NPHS2: variants seen among roughly 807,000 people sequenced by gnomAD.
NPHS2 encodes the protein NPHS2 stomatin family member, podocin, also known as podocin.
NPHS2 carries 36 observed loss-of-function variants against 37.1 expected under a neutral mutation model. The observed-to-expected ratio is 0.97, with a 90% CI of 0.74 to 1.28. The LOEUF is 1.28. NPHS2 is among the 50% of genes most tolerant of loss of function. The pLI, the probability that NPHS2 is intolerant of heterozygous loss-of-function variation, is 0.00. For missense variants in NPHS2, 447 were observed against 488.1 expected (o/e 0.92, Z 0.79); for synonymous variants, 196 against 189.3 (o/e 1.04, Z -0.29).
At chr1:179,551,579 A>C in intron 7 of NPHS2, 128 bp from the exon 8 acceptor site, 1 of 1,058,266 alleles carries the variant, frequency 9.4e-7, no homozygotes, top group South Asian at 1.4e-5. Context: ...AGCATAGAAC[A>C]TGTTTATTCT....
chr1:179,562,633 C>T (rs1674188667), intron 2 of NPHS2, among the ~76,000 whole-genome samples: 2 of 152,168 alleles, frequency 1.3e-5, no homozygotes, highest in African/African-American at 4.8e-5. Flanking sequence ...GATCTACTAA[C>T]CCACTGTAAG....
chr1:179,563,176 C>G (rs1182920027), intron 2 of NPHS2, among the ~76,000 whole-genome samples: 1 of 152,134 alleles, frequency 6.6e-6, no homozygotes, highest in Admixed American at 6.5e-5. Flanking sequence ...AATGGCTATC[C>G]TAACATCAGA....
At chr1:179,571,215 T>C (rs1466729254) in intron 1 of NPHS2, among the ~76,000 whole-genome samples, 1 of 152,222 alleles carries the variant, frequency 6.6e-6, no homozygotes, top group East Asian at 1.9e-4. Context: ...CTACCTTTGG[T>C]CTTTAATGTT....
At chr1:179,564,960 G>A (rs1674280916) in intron 1 of NPHS2, among the ~76,000 whole-genome samples, 167 bp from the exon 2 acceptor site, 1 of 152,148 alleles carries the variant, frequency 6.6e-6, no homozygotes, top group Non-Finnish European at 1.5e-5. Flanking sequence ...AGGGCCTGGG[G>A]AGGAGCAGGC....
chr1:179,573,364 AAAG>A lies in NPHS2; in HGVS notation c.274+2224_274+2226del, dbSNP rs1422521257. Among the ~76,000 whole-genome samples, 4 of 152,220 alleles carry A rather than the reference AAAG, an allele frequency of 2.6e-5. No homozygotes were observed. The South Asian group carries it at 6.2e-4, about 24-fold the overall frequency. ...TACTAATCCCACGGAGTGCTCCACC[AAAG>A]AAGAACTTCCTGGGCAAATGAGTTT... On this transcript the variant is annotated intron_variant, in intron 1 of 7. Coordinates refer to ENST00000367615, the MANE Select transcript of NPHS2 (RefSeq NM_014625.4).
intron 1 of NPHS2, among the ~76,000 whole-genome samples, chr1:179,565,825 G>T (rs1486786494): frequency 5.4e-5 from 8 of 148,768 alleles, no homozygotes; most frequent in Admixed American, 4.8e-4. Context: ...TGTGGTGTTT[G>T]CTTTTCTGTC....
At position 179,550,759 on chromosome 1, in the gene NPHS2, AAT is replaced by A. The variant is rs1673137644; in HGVS notation, c.*412_*413del. On this transcript the variant is annotated 3_prime_UTR_variant, in exon 8 of 8. Transcript: ENST00000367615. ...GACTGCATCTTTGGGACAGAAGAGC[AAT>A]AGAGTGTGACAAGCCCAATGATAGG... 1 of 271,320 alleles carries A rather than the reference AAT, an allele frequency of 3.7e-6. No homozygotes were observed. Among genetic ancestry groups the A allele is most frequent in the East Asian group, 8.9e-5 (1 of 11,290 alleles). The allele number at this position is 271,320 out of a possible 1,614,324, so 16.8% of individuals were successfully genotyped here.
Position 179,551,022 on chromosome 1 carries a change from C to G in NPHS2, c.*151G>C. The G allele has an allele frequency of 1.1e-6, 1 of 879,796 alleles. No homozygotes were observed. Among genetic ancestry groups the G allele is most frequent in the Non-Finnish European group, 1.8e-6 (1 of 554,826 alleles). The allele number at this position is 879,796 out of a possible 1,614,324, so 54.5% of individuals were successfully genotyped here. Reference sequence around the variant, plus strand: ...TGTCATTACATCATTTCACCGTCTTCTCATGGATGGTGCATTGTGACTTCG... The same window carrying G: ...TGTCATTACATCATTTCACCGTCTTGTCATGGATGGTGCATTGTGACTTCG... On this transcript the variant is annotated 3_prime_UTR_variant, in exon 8 of 8. Coordinates refer to ENST00000367615, the MANE Select transcript of NPHS2 (RefSeq NM_014625.4).
chr1:179,558,898 T>C (rs917279351), intron 4 of NPHS2, among the ~76,000 whole-genome samples: 1 of 152,204 alleles, frequency 6.6e-6, no homozygotes, highest in Non-Finnish European at 1.5e-5. Flanking sequence ...TCTTTGGATG[T>C]CATCCTTTGA....
At chr1:179,571,314 G>A (rs904719944) in intron 1 of NPHS2, among the ~76,000 whole-genome samples, 1 of 152,194 alleles carries the variant, frequency 6.6e-6, no homozygotes, top group African/African-American at 2.4e-5. Flanking sequence ...CCATCTAACA[G>A]TCAGGTCCCT....
chr1:179,563,113 A>C (rs1453926412), intron 2 of NPHS2, among the ~76,000 whole-genome samples: 1 of 152,236 alleles, frequency 6.6e-6, no homozygotes, highest in Non-Finnish European at 1.5e-5. Flanking sequence ...AACAGACTGA[A>C]AGTAAAAGAT....
chr1:179,553,946 TCTGTGG>T (rs1673693544), intron 6 of NPHS2, among the ~76,000 whole-genome samples: 1 of 140,834 alleles, frequency 7.1e-6, no homozygotes, highest in Non-Finnish European at 1.5e-5. Context: ...CGAGTCTCGC[TCTGTGG>T]TCGTGGCTGA....
At chr1:179,554,773 T>C in intron 5 of NPHS2, 3 of 582,072 alleles carry the variant, frequency 5.2e-6, no homozygotes, top group East Asian at 5.8e-5. Context: ...CCCAAAGATA[T>C]CCCATGTCCT....
rs1317236338 is a variant in NPHS2, at chr1:179,559,557, G to A, written c.534+122C>T. 6 of 710,818 alleles carry A rather than the reference G, an allele frequency of 8.4e-6. No homozygotes were observed. The East Asian group carries it at 1.9e-4, about 22-fold the overall frequency. The allele number at this position is 710,818 out of a possible 1,614,324, so 44.0% of individuals were successfully genotyped here. On this transcript the variant is annotated intron_variant, in intron 4 of 7. Transcript: ENST00000367615. ...GTCCTTTGATGCACAAAAGTTTTAA[G>A]TTATGATGTAGTCCATATCATTATT... is the stretch of plus-strand genomic sequence containing the variant.
At position 179,575,576 on chromosome 1, in the gene NPHS2, G is replaced by A. The variant is rs1428205381; in HGVS notation, c.274+15C>T. 6.2e-7 allele frequency: 1 copy of A among 1,600,260 alleles called. No individual in the cohort carries two copies. On this transcript the variant is annotated intron_variant, in intron 1 of 7. Coordinates refer to ENST00000367615, the MANE Select transcript of NPHS2 (RefSeq NM_014625.4). ...CCACCTGGAAAAGTAGCAGATAGTG[G>A]TGCTGAATCCGTACCTTCCTCGGGC...
intron 7 of NPHS2, 69 bp from the exon 8 acceptor site, chr1:179,551,520 T>C (rs760790882): frequency 3.8e-6 from 6 of 1,581,780 alleles, no homozygotes; most frequent in Non-Finnish European, 5.2e-6. Context: ...CTATGCAGTA[T>C]GACTCAGCAG....
chr1:179,552,618 T>G lies in NPHS2; in HGVS notation c.858A>C (p.Arg286Ser). 6 of 1,613,756 alleles carry G rather than the reference T, an allele frequency of 3.7e-6. No individual in the cohort carries two copies. The highest frequency in any genetic ancestry group is 1.1e-5 in the South Asian group (1 of 90,976). ...GAGTGCTCACCCGCACTTTGGCTTG[T>G]CTTTGCGCTTCAGCCTCCACAGCCA... ...HSLAVEAEAQ[R>S]QAKVRMIAAE... The change falls in exon 7 of 8, where the codon AGA becomes AGC. Residue 286 changes from arginine (R) to serine (S), a missense_variant. Physicochemically the swap from Arg to Ser is moderately radical, Grantham distance 110 (BLOSUM62 -1). Coordinates refer to ENST00000367615, the MANE Select transcript of NPHS2 (RefSeq NM_014625.4).
chr1:179,557,461 A>C (rs1301987100), intron 4 of NPHS2, among the ~76,000 whole-genome samples: 1 of 152,214 alleles, frequency 6.6e-6, no homozygotes, highest in East Asian at 1.9e-4. Flanking sequence ...AAAAATCAGA[A>C]ATAATTTTCT....
At chr1:179,571,105 T>C (rs917175407) in intron 1 of NPHS2, among the ~76,000 whole-genome samples, 12 of 152,240 alleles carry the variant, frequency 7.9e-5, no homozygotes, top group Admixed American at 5.2e-4. Flanking sequence ...TTTGTTTCAT[T>C]GCTGGCAAGG....
Sources: gnomAD v4.1 joint callset for allele counts (sites outside exome capture counted in the v4.1 genomes callset) on GRCh38, gnomAD v4.1.1 for gene constraint, MANE v1.5 for transcripts, NCBI Gene and HGNC (gene_info 2026-07-23, HGNC 2026-07-21) for gene names.